NFIC: variants seen among roughly 807,000 people sequenced by gnomAD.
The protein encoded by NFIC is nuclear factor 1 C-type.
Under a neutral mutation model 54.4 loss-of-function variants are expected in NFIC, and 12 were observed. That is an observed-to-expected ratio of 0.22 (90% CI 0.14 to 0.36). NFIC has a LOEUF of 0.36. Among genes scored for constraint, NFIC ranks in the 10% least tolerant of loss-of-function variants. The pLI is 1.00. For synonymous variants in NFIC, 322 were observed against 319.2 expected (o/e 1.01, Z -0.09); for missense variants, 575 against 718.2 (o/e 0.80, Z 2.28).
intron 1 of NFIC, among the ~76,000 whole-genome samples, chr19:3,378,038 A>G (rs893627377): frequency 1.3e-5 from 2 of 151,984 alleles, no homozygotes; most frequent in Non-Finnish European, 2.9e-5. Context: ...TGAGGTCAGG[A>G]GTTCAAGACC....
chr19:3,408,303 A>T (rs1405238658), intron 2 of NFIC, among the ~76,000 whole-genome samples: 4 of 152,168 alleles, frequency 2.6e-5, no homozygotes, highest in Non-Finnish European at 4.4e-5. Flanking sequence ...CAGCCAAAAG[A>T]TCAATTCAAT....
At position 3,380,175 on chromosome 19, in the gene NFIC, GT is replaced by G. The variant is rs113586278; in HGVS notation, c.31-1528del. On this transcript the variant is annotated intron_variant, in intron 1 of 10. Coordinates refer to ENST00000443272, the MANE Select transcript of NFIC (RefSeq NM_001245002.2). ...GACACCACGCCCGGCTAATTTTTTT[GT>G]TTTTTTTTCAGTAGAGACGGGGTTT... 7.0e-5 allele frequency among the ~76,000 whole-genome samples: 10 copies of G among 142,580 alleles called. No homozygotes were observed. In the East Asian group the frequency reaches 8.3e-4, roughly 12 times the overall value. The allele number at this position is 142,580 out of a possible 152,430, so 93.5% of individuals were successfully genotyped here.
At chr19:3,383,052 A>C (rs1294812530) in intron 2 of NFIC, among the ~76,000 whole-genome samples, 1 of 152,074 alleles carries the variant, frequency 6.6e-6, no homozygotes, top group East Asian at 1.9e-4. Context: ...GGGGATGAGA[A>C]TGTCCTAGAT....
At position 3,453,841 on chromosome 19, in the gene NFIC, C is replaced by T. The variant is rs1194444582; in HGVS notation, c.1348C>T (p.Pro450Ser). The part of the protein sequence containing the change: ...QMLAPPPPGL[P>S]RLALPPATKP... ...GCTGGCACCTCCGCCCCCGGGGCTG[C>T]CACGGCTGGCGCTCCCCCCTGCCAC... The change falls in exon 9 of 11, where the codon CCA becomes TCA. Residue 450 changes from proline (P) to serine (S), a missense_variant. By Grantham distance (74) the Pro-to-Ser change is moderately conservative. This residue lies in a region of NFIC where 447 missense variants were observed against 526.9 expected (regional missense o/e 0.85). Coordinates refer to ENST00000443272, the MANE Select transcript of NFIC (RefSeq NM_001245002.2). The surrounding 1 kb of genome is among the most constrained non-coding windows in gnomAD (Gnocchi z 6.7). 1.3e-6 allele frequency: 2 copies of T among 1,580,478 alleles called. No homozygotes were observed. Among genetic ancestry groups the T allele is most frequent in the Middle Eastern group, 1.7e-4 (1 of 6,022 alleles).
upstream of NFIC, among the ~76,000 whole-genome samples, chr19:3,365,024 GTT>G (rs1330892096): frequency 7.9e-5 from 12 of 152,294 alleles, 1 homozygote; most frequent in South Asian, 2.5e-3. Context: ...ACTAAGCACT[GTT>G]TGAATAATGT....
At chr19:3,404,811 C>T (rs919678530) in intron 2 of NFIC, among the ~76,000 whole-genome samples, 2 of 152,216 alleles carry the variant, frequency 1.3e-5, no homozygotes, top group African/African-American at 2.4e-5. Flanking sequence ...GGCCTCCGAG[C>T]AGGGGCCCTG....
At position 3,370,469 on chromosome 19, in the gene NFIC, G is replaced by C. The variant is rs2080981054; in HGVS notation, c.30+3803G>C. Among the ~76,000 whole-genome samples, 2 of 149,814 alleles carry C rather than the reference G, an allele frequency of 1.3e-5. No homozygotes were observed. The highest frequency in any genetic ancestry group is 1.3e-4 in the Admixed American group (2 of 15,192). Reference sequence around the variant, plus strand: ...TCACCAAAGCTGGGATTCTGGCAGAGTCAGCGTTCTCCTCTCTCTCTCTCT... The same window carrying C: ...TCACCAAAGCTGGGATTCTGGCAGACTCAGCGTTCTCCTCTCTCTCTCTCT... On this transcript the variant is annotated intron_variant, in intron 1 of 10. Coordinates refer to ENST00000443272, the MANE Select transcript of NFIC (RefSeq NM_001245002.2). This position sits in a 1 kb window ranked among gnomAD's most constrained non-coding sequence, Gnocchi z 5.2.
chr19:3,447,290 C>A (rs755552563), intron 6 of NFIC, among the ~76,000 whole-genome samples: 4 of 142,396 alleles, frequency 2.8e-5, no homozygotes, highest in South Asian at 2.3e-4. Context: ...CAGAGGGAGA[C>A]TCTATCTCAA....
At chr19:3,410,475 C>G (rs565441067) in intron 2 of NFIC, 1 of 152,492 alleles carries the variant, frequency 6.6e-6, no homozygotes, top group Non-Finnish European at 1.5e-5. Flanking sequence ...AGGACCATGC[C>G]TGGTGTGTTG....
At position 3,374,213 on chromosome 19, in the gene NFIC, G is replaced by A. The variant is rs554116163; in HGVS notation, c.31-7499G>A. 2.0e-4 allele frequency among the ~76,000 whole-genome samples: 30 copies of A among 152,206 alleles called. No individual in the cohort carries two copies. In the East Asian group the frequency reaches 4.4e-3, roughly 23 times the overall value. ...GGAGGAGCACAGGGAGGTGAGTGAG[G>A]GCATCACCCAGTGCATGGCGTGGTC... On this transcript the variant is annotated intron_variant, in intron 1 of 10. Transcript: ENST00000443272.
At chr19:3,377,025 A>G (rs967698679) in intron 1 of NFIC, among the ~76,000 whole-genome samples, 4 of 150,324 alleles carry the variant, frequency 2.7e-5, no homozygotes, top group African/African-American at 9.8e-5. Flanking sequence ...CCACCACACC[A>G]GGCTGAGACC....
chr19:3,366,528 G>C (rs911415987), upstream of NFIC: 10 of 551,560 alleles, frequency 1.8e-5, no homozygotes, highest in South Asian at 2.5e-4. Context: ...CGCGCCGGCC[G>C]CGGGGCGGGG....
chr19:3,384,913 C>T (rs1041862787), intron 2 of NFIC, among the ~76,000 whole-genome samples: 4 of 152,172 alleles, frequency 2.6e-5, no homozygotes, highest in Non-Finnish European at 5.9e-5. Context: ...CACCACACAT[C>T]TTCCTCGCCC....
Position 3,378,468 on chromosome 19 carries a change from C to A in NFIC, c.31-3244C>A, listed in dbSNP as rs145813069. Reference sequence around the variant, plus strand: ...GAAGAATGGGAGGGGCCTCCCCACACCCAGACAGGGAGCTGGGGGCCTCCC... The same window carrying A: ...GAAGAATGGGAGGGGCCTCCCCACAACCAGACAGGGAGCTGGGGGCCTCCC... On this transcript the variant is annotated intron_variant, in intron 1 of 10. Transcript: ENST00000443272. Among the ~76,000 whole-genome samples the A allele has an allele frequency of 1.3e-4, 20 of 152,302 alleles. No individual in the cohort carries two copies. The East Asian group carries it at 3.7e-3, about 28-fold the overall frequency.
chr19:3,359,641 G>T, upstream of NFIC: 3 of 1,345,758 alleles, frequency 2.2e-6, no homozygotes, highest in Non-Finnish European at 2.9e-6. Context: ...GGGACCGAGC[G>T]CGCTCGCTCC....
rs2082712388 is a variant in NFIC, at chr19:3,465,917, G to T, written c.*3148G>T. On this transcript the variant is annotated 3_prime_UTR_variant, in exon 11 of 11. Transcript: ENST00000443272. Reference sequence around the variant, plus strand: ...GTGCATCCCCACCCTTCTTGCCAAAGGACCTCTTTTCCCCTATCCAGAGAC... The same window carrying T: ...GTGCATCCCCACCCTTCTTGCCAAATGACCTCTTTTCCCCTATCCAGAGAC... 3 of 151,972 alleles carry T rather than the reference G, an allele frequency of 2.0e-5. No homozygotes were observed. Among genetic ancestry groups the T allele is most frequent in the African/African-American group, 7.3e-5 (3 of 41,336 alleles). 9.4% of individuals were successfully genotyped at this position (151,972 alleles called of 1,614,324 possible). A position where few individuals can be genotyped will look rare whatever the true frequency, so the allele number is the denominator to read the frequency against.
chr19:3,422,963 G>A (rs1025574908), intron 2 of NFIC, among the ~76,000 whole-genome samples: 14 of 152,130 alleles, frequency 9.2e-5, no homozygotes, highest in South Asian at 6.2e-4. Context: ...TTGGGAGGCC[G>A]AGGCGGGCGG....
chr19:3,425,056 T>C (rs2145603647), intron 2 of NFIC, 50 bp from the exon 3 acceptor site: 1 of 1,598,140 alleles, frequency 6.3e-7, no homozygotes, highest in Non-Finnish European at 8.6e-7. Flanking sequence ...CATCTGCTCC[T>C]GGGGTGGGGT....
intron 6 of NFIC, among the ~76,000 whole-genome samples, chr19:3,436,327 T>A (rs867776372): frequency 0.066 from 9,583 of 144,552 alleles, 384 homozygotes; most frequent in Middle Eastern, 0.11. Flanking sequence ...TTTTTTTTTT[T>A]TTTTTTTTTT....
Sources: gnomAD v4.1 joint callset for allele counts (sites outside exome capture counted in the v4.1 genomes callset) on GRCh38, gnomAD v4.1.1 for gene constraint, gnomAD v4.1.1 regional missense constraint, Gnocchi (gnomAD v3.1) non-coding constraint, MANE v1.5 for transcripts, NCBI Gene and HGNC (gene_info 2026-07-23, HGNC 2026-07-21) for gene names.